VLDLR: variants seen among roughly 807,000 people sequenced by gnomAD.
The protein encoded by VLDLR is very low density lipoprotein receptor.
In VLDLR, 81 loss-of-function variants were observed where a neutral mutation model predicts 112.7. The ratio of observed to expected loss-of-function variants is 0.72; its 90% CI spans 0.60 to 0.86. The LOEUF (loss-of-function observed/expected upper bound fraction) is 0.86, where lower values mean the gene tolerates loss of function less well. VLDLR is among the 40% of genes least tolerant of loss of function. VLDLR has a pLI of 0.00. For missense variants in VLDLR, 1,237 were observed against 1,099.4 expected, an observed-to-expected ratio of 1.13 and a Z score of -1.77; for synonymous variants, 436 against 384.8, an observed-to-expected ratio of 1.13 and a Z score of -1.56.
At chr9:2,649,176 C>T (rs991952782) in intron 14 of VLDLR, among the ~76,000 whole-genome samples, 3 of 152,192 alleles carry the variant, frequency 2.0e-5, no homozygotes, top group Non-Finnish European at 4.4e-5. Flanking sequence ...CAATGAAGTA[C>T]CACAGACTAT....
Position 2,659,792 on chromosome 9 carries a change from C to T in VLDLR, c.*5924C>T, listed in dbSNP as rs1374866673. The T allele has an allele frequency of 2.0e-5, 3 of 152,190 alleles. No individual in the cohort carries two copies. The highest frequency in any genetic ancestry group is 7.2e-5 in the African/African-American group (3 of 41,452). 9.4% of individuals were successfully genotyped at this position (152,190 alleles called of 1,614,324 possible). On this transcript the variant is annotated 3_prime_UTR_variant, in exon 19 of 19. Transcript: ENST00000382100. The stretch of plus-strand genomic sequence containing the variant: ...ACTTGGGTATTTCTCAGTTAACACA[C>T]ATGCAAGGAGGAAGAGAGTTTTTTT...
At position 2,648,819 on chromosome 9, in the gene VLDLR, G is replaced by C. The variant is rs1293460642; in HGVS notation, c.2104+9G>C. 1.2e-6 allele frequency: 2 copies of C among 1,614,172 alleles called. No individual in the cohort carries two copies. Among genetic ancestry groups the C allele is most frequent in the South Asian group, 2.2e-5 (2 of 91,078 alleles). On this transcript the variant is annotated intron_variant, in intron 14 of 18. Transcript: ENST00000382100. ...ACTTGTACAGCCATCAGGTACCGTGGAGAAGCACAGTCCTTAATAACTACT... is the reference window on the plus strand; with the variant it reads ...ACTTGTACAGCCATCAGGTACCGTGCAGAAGCACAGTCCTTAATAACTACT...
At chr9:2,643,051 T>C (rs1563757637) in intron 4 of VLDLR, 109 bp from the exon 5 acceptor site, 1 of 1,537,300 alleles carries the variant, frequency 6.5e-7, no homozygotes, top group Non-Finnish European at 8.9e-7. Context: ...TAAGTTGGGC[T>C]AGTAAGTTAG....
chr9:2,622,717 G>T (rs377064951), intron 1 of VLDLR, among the ~76,000 whole-genome samples: 3 of 152,202 alleles, frequency 2.0e-5, no homozygotes, highest in Admixed American at 1.3e-4. Context: ...GGAGCGGACG[G>T]GGGGAGAAGG....
At position 2,643,500 on chromosome 9, in the gene VLDLR, C is replaced by T. The variant is rs1300815833; in HGVS notation, c.789C>T (p.Asp263=). 3.7e-6 allele frequency: 6 copies of T among 1,614,218 alleles called. No homozygotes were observed. The South Asian group carries it at 4.4e-5, about 12-fold the overall frequency. Residue 263 remains aspartate, a synonymous_variant, in exon 5 of 19, where the codon GAC becomes GAT. Coordinates refer to ENST00000382100, the MANE Select transcript of VLDLR (RefSeq NM_003383.5). ...HKKWRCDGDP[D]CKDGSDEVNC... Reference sequence around the variant, plus strand: ...AGTGGCGATGTGATGGGGACCCTGACTGCAAGGATGGCAGTGATGAGGTCA... The same window carrying T: ...AGTGGCGATGTGATGGGGACCCTGATTGCAAGGATGGCAGTGATGAGGTCA...
rs934586762 is a variant in VLDLR, at chr9:2,655,539, A to C, written c.*1671A>C. On this transcript the variant is annotated 3_prime_UTR_variant, in exon 19 of 19. Transcript: ENST00000382100. ...TGCTACGTGAATCAGTGGATGACTCATATTTCACTTGCATATGAAATATAA... is the reference window on the plus strand; with the variant it reads ...TGCTACGTGAATCAGTGGATGACTCCTATTTCACTTGCATATGAAATATAA... 6.6e-6 allele frequency: 1 copy of C among 152,240 alleles called. No homozygotes were observed. The highest frequency in any genetic ancestry group is 1.5e-5 in the Non-Finnish European group (1 of 68,042). The allele number at this position is 152,240 out of a possible 1,614,324, so 9.4% of individuals were successfully genotyped here.
rs569466534 is a variant in VLDLR, at chr9:2,646,760, C to T, written c.1703+208C>T. Among the ~76,000 whole-genome samples, 23 of 152,194 alleles carry T rather than the reference C, an allele frequency of 1.5e-4. 1 individual carries two copies. Among genetic ancestry groups the T allele is most frequent in the South Asian group, 4.1e-4 (2 of 4,830 alleles). ...ATGACAGGTCCTCCTGTCTGACTCT[C>T]GTATGACTGATTGCTGGCTGACATT... is the stretch of plus-strand genomic sequence containing the variant. On this transcript the variant is annotated intron_variant, in intron 11 of 18. Transcript: ENST00000382100.
intron 2 of VLDLR, among the ~76,000 whole-genome samples, chr9:2,638,461 A>T (rs577585460): frequency 1.3e-5 from 2 of 152,340 alleles, no homozygotes; most frequent in African/African-American, 4.8e-5. Context: ...CCTTCACAGA[A>T]TATATGTTAT....
chr9:2,635,959 C>T (rs1817586117), intron 2 of VLDLR, among the ~76,000 whole-genome samples: 3 of 152,164 alleles, frequency 2.0e-5, no homozygotes, highest in African/African-American at 7.2e-5. Flanking sequence ...GAGAAAATCC[C>T]ATAAAGTTTC....
At chr9:2,624,076 C>T (rs1816968096) in intron 1 of VLDLR, among the ~76,000 whole-genome samples, 2 of 152,114 alleles carry the variant, frequency 1.3e-5, no homozygotes, top group Admixed American at 6.6e-5. Flanking sequence ...GTTAACTTTA[C>T]CTTATAGAAT....
intron 1 of VLDLR, among the ~76,000 whole-genome samples, chr9:2,633,405 C>G (rs948161360): frequency 1.3e-5 from 2 of 152,154 alleles, no homozygotes; most frequent in Non-Finnish European, 2.9e-5. Context: ...CCAGGCCACT[C>G]TGAGTGCCTA....
At chr9:2,646,282 A>G in intron 10 of VLDLR, 52 bp from the exon 11 acceptor site, 1 of 1,587,368 alleles carries the variant, frequency 6.3e-7, no homozygotes, top group South Asian at 1.1e-5. Flanking sequence ...TCCATTCTCC[A>G]AGCTCTAATT....
At chr9:2,650,539 C>T (rs946772403) in intron 15 of VLDLR, 23 bp downstream of exon 15, 6 of 1,612,042 alleles carry the variant, frequency 3.7e-6, no homozygotes, top group Non-Finnish European at 2.5e-6. Context: ...GTGTTTCAAC[C>T]ACAAGTAGAA....
chr9:2,646,836 C>A (rs1194466741), intron 11 of VLDLR, among the ~76,000 whole-genome samples: 1 of 152,142 alleles, frequency 6.6e-6, no homozygotes, highest in Non-Finnish European at 1.5e-5. Context: ...TGTATCTGAA[C>A]CCTTTTGTCC....
rs558748200 is a variant in VLDLR, at chr9:2,643,005, G to A, written c.449-155G>A. On this transcript the variant is annotated intron_variant, in intron 4 of 18. Transcript: ENST00000382100. ...CCTTCATTTTTTGTACAATGAGACT[G>A]TACAAAAGTTCTTGATTTAACTCCA... 7.2e-5 allele frequency among the ~76,000 whole-genome samples: 11 copies of A among 152,258 alleles called. No individual in the cohort carries two copies. The East Asian group carries it at 1.5e-3, about 21-fold the overall frequency.
At chr9:2,638,924 C>T (rs1271439260) in intron 2 of VLDLR, among the ~76,000 whole-genome samples, 1 of 152,200 alleles carries the variant, frequency 6.6e-6, no homozygotes, top group African/African-American at 2.4e-5. Flanking sequence ...CCCTTGAATT[C>T]TAAGTACAAC....
intron 13 of VLDLR, 152 bp downstream of exon 13, chr9:2,648,499 C>A (rs773788129): frequency 1.1e-5 from 16 of 1,504,054 alleles, no homozygotes; most frequent in Non-Finnish European, 1.5e-5. Context: ...GACACTAAGT[C>A]CCAGAAGCAC....
At chr9:2,635,344 G>A (rs1817554176) in intron 1 of VLDLR, 109 bp from the exon 2 acceptor site, 1 of 1,559,108 alleles carries the variant, frequency 6.4e-7, no homozygotes, top group Non-Finnish European at 8.8e-7. Context: ...GGATGTCATA[G>A]CCTGCCGAGT....
At chr9:2,644,102 T>C (rs1817949920) in intron 7 of VLDLR, 143 bp downstream of exon 7, 3 of 1,274,232 alleles carry the variant, frequency 2.4e-6, no homozygotes, top group Admixed American at 2.0e-5. Flanking sequence ...TGAAACTTTA[T>C]GACTTAAAAG....
Sources: allele counts gnomAD v4.1 joint callset (sites outside exome capture counted in the v4.1 genomes callset), GRCh38; gene constraint gnomAD v4.1.1; transcripts MANE v1.5; gene names NCBI Gene and HGNC (gene_info 2026-07-23, HGNC 2026-07-21).